HERPUD2: variants seen among roughly 807,000 people sequenced by gnomAD.
The protein encoded by HERPUD2 is homocysteine-responsive endoplasmic reticulum-resident ubiquitin-like domain member 2 protein.
HERPUD2 carries 13 observed loss-of-function variants against 49.9 expected under a neutral mutation model. The ratio of observed to expected loss-of-function variants is 0.26; its 90% CI spans 0.17 to 0.41. The LOEUF (loss-of-function observed/expected upper bound fraction) is 0.41, where lower values mean the gene tolerates loss of function less well. HERPUD2 is among the 10% of genes least tolerant of loss of function. HERPUD2 has a pLI of 1.00. For synonymous variants in HERPUD2, 172 were observed against 171.4 expected, an observed-to-expected ratio of 1.00 and a Z score of -0.03; for missense variants, 449 against 492.2, an observed-to-expected ratio of 0.91 and a Z score of 0.83.
chr7:35,688,162 C>T (rs1446252494), intron 2 of HERPUD2, among the ~76,000 whole-genome samples: 1 of 152,084 alleles, frequency 6.6e-6, no homozygotes, highest in Non-Finnish European at 1.5e-5. Context: ...AGGAAGTGCA[C>T]AAAATATCAT....
intron 5 of HERPUD2, among the ~76,000 whole-genome samples, chr7:35,655,151 C>G (rs1435343796): frequency 6.6e-6 from 1 of 152,154 alleles, no homozygotes; most frequent in African/African-American, 2.4e-5. Context: ...CTGTGCCCAG[C>G]CTTGACCAAT....
intron 2 of HERPUD2, among the ~76,000 whole-genome samples, chr7:35,677,050 T>C (rs1368011715): frequency 1.3e-5 from 2 of 152,214 alleles, no homozygotes; most frequent in Non-Finnish European, 2.9e-5. Flanking sequence ...TTTATAATTA[T>C]ATCTAACAAA....
intron 5 of HERPUD2, among the ~76,000 whole-genome samples, chr7:35,661,743 G>A (rs1160262240): frequency 2.0e-5 from 3 of 152,208 alleles, no homozygotes; most frequent in Non-Finnish European, 2.9e-5. Context: ...AGACTTTGCT[G>A]AAGTTGCTTA....
chr7:35,666,679 C>A (rs10238386), intron 5 of HERPUD2, among the ~76,000 whole-genome samples: 46,305 of 152,136 alleles, frequency 0.3, 7,947 homozygotes, highest in Non-Finnish European at 0.38. Context: ...TGGTCCAAAC[C>A]ATGTTCTCCA....
Position 35,635,141 on chromosome 7 carries a change from A to C in HERPUD2, c.935T>G (p.Val312Gly). 1 of 1,611,532 alleles carries C rather than the reference A, an allele frequency of 6.2e-7. No individual in the cohort carries two copies. Among genetic ancestry groups the C allele is most frequent in the Non-Finnish European group, 8.5e-7 (1 of 1,177,736 alleles). Residue 312 changes from valine to glycine, a missense_variant, in exon 7 of 9, where the codon GTT becomes GGT. Physicochemically the swap from Val to Gly is moderately radical, Grantham distance 109 (BLOSUM62 -3). Coordinates refer to ENST00000311350, the MANE Select transcript of HERPUD2 (RefSeq NM_022373.5). ...GTTAATGAACATCACTCACAAATAA[A>C]CCAGTAGCATGGCTCCCATTACCAT... ...FIMVMGAMLL[V>G]YLHQAGWFPF...
At chr7:35,668,467 T>C (rs1785584870) in intron 4 of HERPUD2, 1 of 153,288 alleles carries the variant, frequency 6.5e-6, no homozygotes, top group African/African-American at 2.4e-5. Context: ...AAATTATAGT[T>C]CTTCCACTTT....
chr7:35,678,540 A>T (rs1313975497), intron 2 of HERPUD2, among the ~76,000 whole-genome samples: 1 of 152,140 alleles, frequency 6.6e-6, no homozygotes, highest in Non-Finnish European at 1.5e-5. Flanking sequence ...GCCTCAAGTG[A>T]TCCGCCCGCC....
chr7:35,670,168 G>GAA, intron 4 of HERPUD2, 47 bp downstream of exon 4: 13 of 893,642 alleles, frequency 1.5e-5, no homozygotes, highest in South Asian at 3.8e-5. Flanking sequence ...AGACGACGAC[G>GAA]AAAAAAAAAG....
At chr7:35,658,162 T>C (rs1785323186) in intron 5 of HERPUD2, among the ~76,000 whole-genome samples, 1 of 152,158 alleles carries the variant, frequency 6.6e-6, no homozygotes, top group African/African-American at 2.4e-5. Flanking sequence ...GAGGATGAAA[T>C]CCTGTCATTT....
intron 5 of HERPUD2, among the ~76,000 whole-genome samples, chr7:35,659,609 T>C (rs868375242): frequency 2.6e-5 from 4 of 152,280 alleles, no homozygotes; most frequent in African/African-American, 9.6e-5. Flanking sequence ...GGAAGCACAG[T>C]AGAGAAGAGA....
At chr7:35,648,111 C>T (rs17171628) in intron 5 of HERPUD2, among the ~76,000 whole-genome samples, 26,519 of 151,890 alleles carry the variant, frequency 0.17, 2,615 homozygotes, top group East Asian at 0.3. Context: ...TCAACATTAC[C>T]GAGAAAGTAA....
At chr7:35,646,069 A>T (rs373819678) in intron 5 of HERPUD2, among the ~76,000 whole-genome samples, 1 of 152,256 alleles carries the variant, frequency 6.6e-6, no homozygotes, top group Non-Finnish European at 1.5e-5. Context: ...CTGTATCTCT[A>T]GCATCTAGCA....
At chr7:35,677,210 T>G (rs898679812) in intron 2 of HERPUD2, among the ~76,000 whole-genome samples, 1 of 152,204 alleles carries the variant, frequency 6.6e-6, no homozygotes, top group African/African-American at 2.4e-5. Context: ...CCTCCTTTTC[T>G]TACATAAAAA....
chr7:35,666,016 C>T (rs1785529971), intron 5 of HERPUD2, among the ~76,000 whole-genome samples: 1 of 152,116 alleles, frequency 6.6e-6, no homozygotes, highest in South Asian at 2.1e-4. Flanking sequence ...TTATAATACT[C>T]CCACCTTCCA....
intron 5 of HERPUD2, among the ~76,000 whole-genome samples, chr7:35,646,341 T>C (rs1438934506): frequency 6.6e-6 from 1 of 152,074 alleles, no homozygotes; most frequent in Non-Finnish European, 1.5e-5. Context: ...ATGGTAGGAC[T>C]GCTTGAAGCC....
At chr7:35,675,836 G>A (rs1017337266) in intron 2 of HERPUD2, among the ~76,000 whole-genome samples, 1 of 152,004 alleles carries the variant, frequency 6.6e-6, no homozygotes, top group Non-Finnish European at 1.5e-5. Context: ...TCACAGGTGC[G>A]ATCATGGTAC....
In HERPUD2 at chr7:35,633,651, G is replaced by A. The variant is rs376687234; in HGVS notation, c.*39C>T. 1 of 1,579,344 alleles carries A rather than the reference G, an allele frequency of 6.3e-7. No individual in the cohort carries two copies. Among genetic ancestry groups the A allele is most frequent in the Non-Finnish European group, 8.6e-7 (1 of 1,164,164 alleles). On this transcript the variant is annotated 3_prime_UTR_variant, in exon 9 of 9. Transcript: ENST00000311350. ...GCACTGTTATTTAAACCACTTTCCT[G>A]AAGTCAGACCCTCCTTGTAGCTGGC...
intron 5 of HERPUD2, among the ~76,000 whole-genome samples, chr7:35,658,186 T>A (rs1190685776): frequency 6.6e-6 from 1 of 152,158 alleles, no homozygotes; most frequent in East Asian, 1.9e-4. Context: ...GCAACACAAA[T>A]GGCACTGGAG....
intron 2 of HERPUD2, among the ~76,000 whole-genome samples, chr7:35,686,718 CA>C (rs1355835861): frequency 5.3e-4 from 2 of 3,804 alleles, no homozygotes; most frequent in East Asian, 0.016. Flanking sequence ...CACTCCGTCT[CA>C]AAAAAAAAAA....
Sources: gnomAD v4.1 joint callset for allele counts (sites outside exome capture counted in the v4.1 genomes callset) on GRCh38, gnomAD v4.1.1 for gene constraint, MANE v1.5 for transcripts, NCBI Gene and HGNC (gene_info 2026-07-23, HGNC 2026-07-21) for gene names.